Variants in KNTC1 observed in about 807,000 individuals in gnomAD.
KNTC1 encodes kinetochore associated 1.
KNTC1 carries 253 observed loss-of-function variants against 314.4 expected under a neutral mutation model. The ratio of observed to expected loss-of-function variants is 0.80; its 90% CI spans 0.73 to 0.89. The LOEUF (loss-of-function observed/expected upper bound fraction) is 0.89, where lower values mean the gene tolerates loss of function less well. Among genes scored for constraint, KNTC1 ranks in the 40% least tolerant of loss-of-function variants. The pLI, the probability that KNTC1 is intolerant of heterozygous loss-of-function variation, is 0.00. For missense variants in KNTC1, 2,475 were observed against 2,572.9 expected (o/e 0.96, Z 0.82); for synonymous variants, 901 against 901.4 (o/e 1.00, Z 0.01).
intron 29 of KNTC1, 90 bp from the exon 30 acceptor site, chr12:122,576,805 A>AT (rs145299175): frequency 0.35 from 344,455 of 978,138 alleles, 64,034 homozygotes; most frequent in Admixed American, 0.38. Context: ...CATTATTTAA[A>AT]TTTTTTTGCC....
chr12:122,577,808 G>A lies in KNTC1; in HGVS notation c.2841+17G>A, dbSNP rs1200314878. The A allele has an allele frequency of 2.5e-6, 4 of 1,604,190 alleles. No homozygotes were observed. The highest frequency in any genetic ancestry group is 2.6e-6 in the Non-Finnish European group (3 of 1,175,914). ...TCTAAAGAGGTGACATTTTCACTAAGTAAAATATAAGTAAATCCAATTTTT... is the reference window on the plus strand; with the variant it reads ...TCTAAAGAGGTGACATTTTCACTAAATAAAATATAAGTAAATCCAATTTTT... On this transcript the variant is annotated intron_variant, in intron 31 of 63. Coordinates refer to ENST00000333479, the MANE Select transcript of KNTC1 (RefSeq NM_014708.6).
intron 1 of KNTC1, 140 bp downstream of exon 1, chr12:122,527,491 G>A (rs1204590471): frequency 6.5e-6 from 1 of 152,720 alleles, no homozygotes; most frequent in African/African-American, 2.4e-5. Flanking sequence ...TGGCGGCGAT[G>A]TCCAGCGGAG....
chr12:122,624,965 T>C (rs1174175003), intron 63 of KNTC1, among the ~76,000 whole-genome samples: 2 of 152,234 alleles, frequency 1.3e-5, no homozygotes, highest in Non-Finnish European at 1.5e-5. Context: ...AGCATTACCA[T>C]TCCTCATAAG....
intron 16 of KNTC1, among the ~76,000 whole-genome samples, chr12:122,554,339 C>T (rs1458144382): frequency 3.3e-5 from 5 of 151,772 alleles, no homozygotes; most frequent in Non-Finnish European, 7.4e-5. Context: ...TTCTCAGCCT[C>T]CCAAAGTGAT....
At chr12:122,576,826 T>C (rs1965061160) in intron 29 of KNTC1, 69 bp from the exon 30 acceptor site, 5 of 1,325,750 alleles carry the variant, frequency 3.8e-6, no homozygotes, top group Non-Finnish European at 5.0e-6. Context: ...ACTTTGCTCT[T>C]ATAAGCAAGT....
intron 12 of KNTC1, among the ~76,000 whole-genome samples, chr12:122,549,051 T>TTA (rs1593512944): frequency 6.6e-6 from 1 of 152,094 alleles, no homozygotes; most frequent in Non-Finnish European, 1.5e-5. Context: ...GTACTGTGTG[T>TTA]TTTATTTATT....
chr12:122,568,664 G>A (rs1043359245), intron 21 of KNTC1, among the ~76,000 whole-genome samples: 8 of 151,994 alleles, frequency 5.3e-5, no homozygotes, highest in Admixed American at 2.0e-4. Context: ...TGGTGAATCC[G>A]TGTCTCTACC....
In KNTC1 at chr12:122,602,655, C is replaced by T. The variant is rs1872091873; in HGVS notation, c.4740C>T (p.Val1580=). Residue 1580 remains valine, a synonymous_variant, in exon 46 of 64, where the codon GTC becomes GTT. Coordinates refer to ENST00000333479, the MANE Select transcript of KNTC1 (RefSeq NM_014708.6). ...DLEYQYMLEH[V]ITLPSAAQTR... ...AATATCAGTATATGTTGGAACATGT[C>T]ATAACTTTGCCATCAGCTGCCCAAA... is the stretch of plus-strand genomic sequence containing the variant. 1.9e-6 allele frequency: 3 copies of T among 1,612,910 alleles called. No individual in the cohort carries two copies. The highest frequency in any genetic ancestry group is 2.5e-6 in the Non-Finnish European group (3 of 1,178,904).
Position 122,605,418 on chromosome 12 carries a change from A to G in KNTC1, c.5496+3A>G, listed in dbSNP as rs768431412. 6 of 1,487,440 alleles carry G rather than the reference A, an allele frequency of 4.0e-6. No individual in the cohort carries two copies. In the East Asian group the frequency reaches 1.4e-4, roughly 34 times the overall value. 92.1% of individuals were successfully genotyped at this position (1,487,440 alleles called of 1,614,324 possible). A position where few individuals can be genotyped will look rare whatever the true frequency, so the allele number is the denominator to read the frequency against. On this transcript the variant is annotated splice_donor_region_variant and intron_variant, in intron 51 of 63. Transcript: ENST00000333479. ...GCCCTTCAACAAAACCTGGTGAAGT[A>G]AGTACTTGCTGCCCAAGAGTATCTG...
chr12:122,598,042 C>T, intron 44 of KNTC1, 104 bp downstream of exon 44: 2 of 791,610 alleles, frequency 2.5e-6, no homozygotes, highest in Non-Finnish European at 4.1e-6. Flanking sequence ...ATATTTTTAT[C>T]AACTTTTAAT....
At chr12:122,573,766 T>TAAAA (rs1188235669) in intron 26 of KNTC1, among the ~76,000 whole-genome samples, 2 of 152,150 alleles carry the variant, frequency 1.3e-5, no homozygotes, top group Non-Finnish European at 2.9e-5. Flanking sequence ...ACATTAAAAT[T>TAAAA]CTTTTGAGTT....
rs1223703143 is a variant in KNTC1 at position 122,551,595 on chromosome 12, A to G, written c.1197-26A>G. ...AAATTCCCTGAATAATAAGCATTTA[A>G]CAAAATTTCTCTTCCAACTTAACAG... On this transcript the variant is annotated intron_variant, in intron 15 of 63. Transcript: ENST00000333479. 3.1e-6 allele frequency: 5 copies of G among 1,610,342 alleles called. No individual in the cohort carries two copies. In the African/African-American group the frequency reaches 5.3e-5, roughly 17 times the overall value.
In KNTC1 at chr12:122,582,786, G is replaced by A. The variant is rs747945385; in HGVS notation, c.3064G>A (p.Ala1022Thr). 2 of 1,612,792 alleles carry A rather than the reference G, an allele frequency of 1.2e-6. No homozygotes were observed. Among genetic ancestry groups the A allele is most frequent in the South Asian group, 2.2e-5 (2 of 90,900 alleles). Residue 1022 changes from alanine (A) to threonine (T), a missense_variant, in exon 34 of 64, where the codon GCT (alanine) becomes ACT (threonine). Ala to Thr is a moderately conservative substitution (Grantham distance 58). Transcript: ENST00000333479. ...VADLREQHIKAHEVAQAKHKP... is the reference protein window; with the variant it reads ...VADLREQHIKTHEVAQAKHKP... ...AGATCTCCGTGAGCAGCACATTAAA[G>A]CTCACGAAGTTGCACAGGCGAAACA...
Position 122,554,647 on chromosome 12 carries a change from T to C in KNTC1, c.1273-2737T>C, listed in dbSNP as rs188356565. On this transcript the variant is annotated intron_variant, in intron 16 of 63. Transcript: ENST00000333479. The stretch of plus-strand genomic sequence containing the variant: ...TCTGAAAGATTTTAGAAGTAATGTT[T>C]AAAAAGAGACAGTGGAGCAAAAAAA... 1.3e-5 allele frequency among the ~76,000 whole-genome samples: 2 copies of C among 152,244 alleles called. 1 individual carries two copies. The highest frequency in any genetic ancestry group is 2.9e-5 in the Non-Finnish European group (2 of 68,014).
rs1475420874 is a variant in KNTC1, at chr12:122,605,055, G to T, written c.5354G>T (p.Arg1785Ile). The T allele has an allele frequency of 6.2e-7, 1 of 1,611,922 alleles. No homozygotes were observed. Among genetic ancestry groups the T allele is most frequent in the South Asian group, 1.1e-5 (1 of 90,488 alleles). ...TACGAACATCCTAGCATCAATCAAA[G>T]AATTCAGAATTCATCTGGCACAGAT... Reference protein sequence around the residue: ...SLYEHPSINQRIQNSSGTDYP... With the variant: ...SLYEHPSINQIIQNSSGTDYP... The change falls in exon 50 of 64, where the codon AGA (arginine) becomes ATA (isoleucine). Residue 1785 changes from arginine (R) to isoleucine (I), a missense_variant. Physicochemically the swap from Arg to Ile is moderately conservative, Grantham distance 97. Transcript: ENST00000333479.
chr12:122,576,008 C>T (rs1964991519), intron 29 of KNTC1, 109 bp downstream of exon 29: 1 of 1,295,408 alleles, frequency 7.7e-7, no homozygotes, highest in Admixed American at 2.9e-5. Context: ...GGTTTTTCCA[C>T]TACATTTCTT....
chr12:122,607,476 T>G (rs1872685199), intron 51 of KNTC1, among the ~76,000 whole-genome samples: 1 of 152,186 alleles, frequency 6.6e-6, no homozygotes, highest in African/African-American at 2.4e-5. Flanking sequence ...CAATTTGCGC[T>G]TGTCTAATAC....
At chr12:122,601,384 C>T (rs1241507589) in intron 44 of KNTC1, among the ~76,000 whole-genome samples, 152 bp from the exon 45 acceptor site, 1 of 152,098 alleles carries the variant, frequency 6.6e-6, no homozygotes, top group Admixed American at 6.5e-5. Flanking sequence ...CGTGCCCGGC[C>T]GATTGTAGCT....
At chr12:122,569,141 A>G (rs1964524814) in intron 21 of KNTC1, among the ~76,000 whole-genome samples, 2 of 152,174 alleles carry the variant, frequency 1.3e-5, no homozygotes, top group Admixed American at 1.3e-4. Context: ...CACTTATACC[A>G]CTGAACTTAA....
Sources: gnomAD v4.1 joint callset for allele counts (sites outside exome capture counted in the v4.1 genomes callset) on GRCh38, gnomAD v4.1.1 for gene constraint, MANE v1.5 for transcripts, NCBI Gene and HGNC (gene_info 2026-07-23, HGNC 2026-07-21) for gene names.